The following ADRA1D variants were observed in gnomAD, a reference collection of about 807,000 sequenced individuals.
The protein encoded by ADRA1D is adrenoceptor alpha 1D, also known as alpha-1D adrenergic receptor.
Under a neutral mutation model 18.6 loss-of-function variants are expected in ADRA1D, and 22 were observed. That is an observed-to-expected ratio of 1.19 (90% CI 0.85 to 1.69). ADRA1D has a LOEUF of 1.69. Among genes scored for constraint, ADRA1D ranks in the 40% most tolerant of loss-of-function variants. ADRA1D has a pLI of 0.00. For synonymous variants in ADRA1D, 376 were observed against 388.2 expected (o/e 0.97, Z 0.37); for missense variants, 840 against 840.7 (o/e 1.00, Z 0.01).
chr20:4,221,502 C>A lies in ADRA1D; in HGVS notation c.*21G>T. The A allele has an allele frequency of 6.3e-7, 1 of 1,588,984 alleles. No homozygotes were observed. Among genetic ancestry groups the A allele is most frequent in the East Asian group, 2.3e-5 (1 of 44,292 alleles). On this transcript the variant is annotated 3_prime_UTR_variant, in exon 2 of 2. Coordinates refer to ENST00000379453, the MANE Select transcript of ADRA1D (RefSeq NM_000678.4). ...CCTTACCCCCAAGCCCAGCACACTC[C>A]GCGGCCTAGCTCTGGGGTCCTTAAA... is the stretch of plus-strand genomic sequence containing the variant.
intron 1 of ADRA1D, among the ~76,000 whole-genome samples, chr20:4,228,045 A>G (rs1348446920): frequency 6.6e-6 from 1 of 152,158 alleles, no homozygotes; most frequent in Non-Finnish European, 1.5e-5. Context: ...AAAATCCATT[A>G]GCCACTGAGT....
intron 1 of ADRA1D, among the ~76,000 whole-genome samples, chr20:4,246,299 T>C (rs1346268361): frequency 1.3e-5 from 2 of 151,934 alleles, no homozygotes; most frequent in East Asian, 3.9e-4. Context: ...AATGATCTAG[T>C]GAAGGAAGCG....
chr20:4,221,191 T>C lies in ADRA1D; in HGVS notation c.*332A>G, dbSNP rs531991070. 2 of 213,490 alleles carry C rather than the reference T, an allele frequency of 9.4e-6. No individual in the cohort carries two copies. Among genetic ancestry groups the C allele is most frequent in the East Asian group, 2.0e-4 (2 of 9,870 alleles). The allele number at this position is 213,490 out of a possible 1,614,324, so 13.2% of individuals were successfully genotyped here. On this transcript the variant is annotated 3_prime_UTR_variant, in exon 2 of 2. Coordinates refer to ENST00000379453, the MANE Select transcript of ADRA1D (RefSeq NM_000678.4). The stretch of plus-strand genomic sequence containing the variant: ...GAGGGGCAGGCCTTCCTGGCCATGC[T>C]TGGGGCTGTCTACTCAGGGTTCAGG...
At chr20:4,231,058 CTTTCTT>C (rs1248795982) in intron 1 of ADRA1D, among the ~76,000 whole-genome samples, 11 of 92,834 alleles carry the variant, frequency 1.2e-4, no homozygotes, top group South Asian at 4.6e-4. Context: ...TTCTTTCTTT[CTTTCTT>C]TCTCTCTCTC....
intron 1 of ADRA1D, among the ~76,000 whole-genome samples, chr20:4,236,885 T>C (rs899213048): frequency 6.6e-6 from 1 of 152,200 alleles, no homozygotes; most frequent in Non-Finnish European, 1.5e-5. Context: ...GAGAGAATTC[T>C]CCCTGAGCCT....
chr20:4,237,923 GT>G (rs534947572), intron 1 of ADRA1D, among the ~76,000 whole-genome samples: 543 of 143,642 alleles, frequency 3.8e-3, no homozygotes, highest in Non-Finnish European at 6.3e-3. Context: ...CCAAGCCACC[GT>G]GCCCAGCCTG....
chr20:4,248,150 T>C lies in ADRA1D; in HGVS notation c.808A>G (p.Ile270Val). Residue 270 changes from isoleucine (I) to valine (V), a missense_variant, in exon 1 of 2, where the codon ATC (isoleucine) becomes GTC (valine). Physicochemically the swap from Ile to Val is conservative, Grantham distance 29. Transcript: ENST00000379453. ...TACACGCGGCAGTACATGACCACGA[T>C]GACCGCCATGGGCAGGTAGAAGGAG... ...VCSFYLPMAV[I>V]VVMYCRVYVV... is the part of the protein sequence containing the mutation. 6.3e-7 allele frequency: 1 copy of C among 1,577,560 alleles called. No individual in the cohort carries two copies. Among genetic ancestry groups the C allele is most frequent in the East Asian group, 2.3e-5 (1 of 43,034 alleles).
intron 1 of ADRA1D, among the ~76,000 whole-genome samples, chr20:4,238,811 T>C (rs1981153360): frequency 6.6e-6 from 1 of 152,004 alleles, no homozygotes; most frequent in South Asian, 2.1e-4. Flanking sequence ...TAGGGAGGAA[T>C]GGTCTAATTC....
intron 1 of ADRA1D, among the ~76,000 whole-genome samples, chr20:4,232,115 T>A (rs1980984629): frequency 6.6e-6 from 1 of 152,214 alleles, no homozygotes; most frequent in South Asian, 2.1e-4. Flanking sequence ...GGCTTCGCCA[T>A]GTTGGCCAGG....
intron 1 of ADRA1D, among the ~76,000 whole-genome samples, chr20:4,242,602 T>C (rs1981238824): frequency 6.6e-6 from 1 of 152,054 alleles, no homozygotes; most frequent in South Asian, 2.1e-4. Flanking sequence ...GAGGCTCAGG[T>C]GTGGCTCACA....
intron 1 of ADRA1D, among the ~76,000 whole-genome samples, chr20:4,242,011 T>G (rs1409024352): frequency 6.6e-6 from 1 of 152,248 alleles, no homozygotes; most frequent in Non-Finnish European, 1.5e-5. Context: ...GGTCAAGGTA[T>G]GGAACTGTCC....
chr20:4,232,774 T>G (rs917504240), intron 1 of ADRA1D, among the ~76,000 whole-genome samples: 1 of 152,194 alleles, frequency 6.6e-6, no homozygotes, highest in Non-Finnish European at 1.5e-5. Context: ...CTGCTTCAAC[T>G]GGGTCCATGA....
chr20:4,248,492 TGGTGGCCGAGAAGGGCAGTAC>T lies in ADRA1D; in HGVS notation c.445_465del (p.Val149_Thr155del). The stretch of plus-strand genomic sequence containing the variant: ...AAGGCCCAGAAGCCCAGAACCTCCA[TGGTGGCCGAGAAGGGCAGTAC>T]GGTGGCGCTCAGCAGCAGGTCGGCC... On this transcript the variant is annotated inframe_deletion, in exon 1 of 2. Transcript: ENST00000379453. The T allele has an allele frequency of 1.2e-6, 2 of 1,613,632 alleles. No individual in the cohort carries two copies. The highest frequency in any genetic ancestry group is 1.7e-6 in the Non-Finnish European group (2 of 1,179,852).
At chr20:4,225,652 G>C (rs917693281) in intron 1 of ADRA1D, among the ~76,000 whole-genome samples, 1 of 151,550 alleles carries the variant, frequency 6.6e-6, no homozygotes, top group Non-Finnish European at 1.5e-5. Flanking sequence ...CTGACCTCAA[G>C]TGATCCGCCT....
chr20:4,228,581 C>T (rs1330538562), intron 1 of ADRA1D, among the ~76,000 whole-genome samples: 3 of 152,222 alleles, frequency 2.0e-5, no homozygotes, highest in Non-Finnish European at 4.4e-5. Context: ...ATATAGTTAC[C>T]TACAGTGTAA....
At chr20:4,224,861 C>T (rs1980756729) in intron 1 of ADRA1D, among the ~76,000 whole-genome samples, 3 of 152,086 alleles carry the variant, frequency 2.0e-5, no homozygotes, top group African/African-American at 7.2e-5. Context: ...ATCACCCCTC[C>T]TCCCACCATA....
rs756415268 is a variant in ADRA1D at position 4,221,985 on chromosome 20, G to A, written c.1257C>T (p.Cys419=). The change falls in exon 2 of 2, where the codon TGC becomes TGT. Residue 419 remains cysteine, a synonymous_variant. Coordinates refer to ENST00000379453, the MANE Select transcript of ADRA1D (RefSeq NM_000678.4). ...FKRAFLRLLR[C]QCRRRRRRRP... is the part of the protein sequence containing the mutation. ...GGCGGCGCCGGCGACGACGGCACTG[G>A]CAGCGCAGGAGACGGAGGAAGGCGC... 28 of 1,574,626 alleles carry A rather than the reference G, an allele frequency of 1.8e-5. No individual in the cohort carries two copies. In the East Asian group the frequency reaches 1.9e-4, roughly 11 times the overall value.
In ADRA1D at chr20:4,248,542, GC is replaced by G; in HGVS notation, c.415del (p.Ala139ProfsTer7). The stretch of plus-strand genomic sequence containing the variant: ...GGCGCTCAGCAGCAGGTCGGCCACG[GC>G]CAGGTTCACGATGAAATAGTTGGTG... ...TVTNYFIVNL[A>X]VADLLLSATV... On this transcript the variant is annotated frameshift_variant, in exon 1 of 2. Coordinates refer to ENST00000379453, the MANE Select transcript of ADRA1D (RefSeq NM_000678.4). LOFTEE classifies it high-confidence loss of function. 1 of 1,613,830 alleles carries G rather than the reference GC, an allele frequency of 6.2e-7. No individual in the cohort carries two copies. The highest frequency in any genetic ancestry group is 1.1e-5 in the South Asian group (1 of 91,042).
chr20:4,227,231 A>G (rs566038779), intron 1 of ADRA1D, among the ~76,000 whole-genome samples: 1 of 152,286 alleles, frequency 6.6e-6, no homozygotes, highest in South Asian at 2.1e-4. Flanking sequence ...GGGGCTCCCC[A>G]GTCTTGCCTC....
Sources: gnomAD v4.1 joint callset for allele counts (sites outside exome capture counted in the v4.1 genomes callset) on GRCh38, gnomAD v4.1.1 for gene constraint, MANE v1.5 for transcripts, NCBI Gene and HGNC (gene_info 2026-07-23, HGNC 2026-07-21) for gene names.